The following CD109 variants were observed in gnomAD, a reference collection of about 807,000 sequenced individuals.
CD109 encodes CD109 molecule.
CD109 carries 149 observed loss-of-function variants against 165.8 expected under a neutral mutation model. That is an observed-to-expected ratio of 0.90 (90% CI 0.79 to 1.03). CD109 has a LOEUF of 1.03. Among genes scored for constraint, CD109 ranks in the 50% least tolerant of loss-of-function variants. CD109 has a pLI of 0.00. For missense variants in CD109, 1,712 were observed against 1,677.8 expected (o/e 1.02, Z -0.36); for synonymous variants, 585 against 592.1 (o/e 0.99, Z 0.18).
chr6:73,787,015 T>A (rs1216654355), intron 20 of CD109, among the ~76,000 whole-genome samples: 1 of 152,164 alleles, frequency 6.6e-6, no homozygotes, highest in Non-Finnish European at 1.5e-5. Context: ...GGGCTGAAGA[T>A]CGCCCTTTCC....
In CD109 at chr6:73,813,171, G is replaced by T. The variant is rs569626974; in HGVS notation, c.3768+901G>T. ...AAACTAAAGGAAAAATGATCACAAT[G>T]AAAAGGAATGGTATTCAGTGAAAAG... On this transcript the variant is annotated intron_variant, in intron 29 of 32. Transcript: ENST00000287097. Among the ~76,000 whole-genome samples the T allele has an allele frequency of 7.3e-4, 111 of 152,130 alleles. 3 individuals are homozygous for T. In the South Asian group the frequency reaches 0.022, roughly 30 times the overall value.
intron 18 of CD109, 124 bp downstream of exon 18, chr6:73,782,879 G>A: frequency 1.3e-6 from 1 of 751,654 alleles, no homozygotes; most frequent in Admixed American, 3.0e-5. Context: ...TAGACCAAAA[G>A]GATTTTTTAG....
In CD109 at chr6:73,708,616, C is replaced by G. The variant is rs1399422491; in HGVS notation, c.247+11044C>G. On this transcript the variant is annotated intron_variant, in intron 2 of 32. Transcript: ENST00000287097. ...TTGAACTAGTTTACAGTCCCACCAA[C>G]AGTGTAAAAGTGTTCCTATTTCTCC... Among the ~76,000 whole-genome samples the G allele has an allele frequency of 4.6e-5, 7 of 152,332 alleles. No individual in the cohort carries two copies. In the South Asian group the frequency reaches 1.5e-3, roughly 32 times the overall value.
chr6:73,708,242 T>G (rs1441365693), intron 2 of CD109, among the ~76,000 whole-genome samples: 1 of 151,886 alleles, frequency 6.6e-6, no homozygotes, highest in Non-Finnish European at 1.5e-5. Context: ...AGTGAGAACA[T>G]GCGGTGTTTG....
chr6:73,813,808 C>T (rs1775834829), intron 29 of CD109, among the ~76,000 whole-genome samples: 1 of 151,880 alleles, frequency 6.6e-6, no homozygotes, highest in African/African-American at 2.4e-5. Flanking sequence ...TAATTATGAC[C>T]CAAGAGACAG....
intron 26 of CD109, among the ~76,000 whole-genome samples, 197 bp downstream of exon 26, chr6:73,808,445 G>A (rs935455633): frequency 2.0e-5 from 3 of 152,016 alleles, no homozygotes; most frequent in African/African-American, 4.8e-5. Context: ...AGAATTTCAG[G>A]GCTCAGATGT....
At chr6:73,783,680 T>G in intron 18 of CD109, 27 bp from the exon 19 acceptor site, 2 of 1,270,772 alleles carry the variant, frequency 1.6e-6, no homozygotes, top group Non-Finnish European at 2.3e-6. Context: ...GGTTTTGTGA[T>G]GTTTATATTT....
At chr6:73,793,817 C>T (rs1356343798) in intron 23 of CD109, among the ~76,000 whole-genome samples, 1 of 152,104 alleles carries the variant, frequency 6.6e-6, no homozygotes, top group African/African-American at 2.4e-5. Flanking sequence ...TGATATATCC[C>T]GTCCATCAAA....
In CD109 at chr6:73,771,518, G is replaced by T; in HGVS notation, c.1764G>T (p.Gly588=). The change falls in exon 15 of 33, where the codon GGG becomes GGT. Residue 588 remains glycine, a synonymous_variant. Coordinates refer to ENST00000287097, the MANE Select transcript of CD109 (RefSeq NM_133493.5). ...ISVTQPDSIV[G]IVAVDKSVNL... ...TGACACAGCCTGACTCCATAGTTGG[G>T]ATTGTAGCTGTTGACAAAAGTGTGA... 6.2e-7 allele frequency: 1 copy of T among 1,610,434 alleles called. No homozygotes were observed. Among genetic ancestry groups the T allele is most frequent in the African/African-American group, 1.3e-5 (1 of 74,854 alleles).
intron 5 of CD109, among the ~76,000 whole-genome samples, chr6:73,736,754 T>C (rs1219772456): frequency 6.6e-6 from 1 of 152,366 alleles, no homozygotes; most frequent in East Asian, 1.9e-4. Context: ...TTAAAACATT[T>C]TGACATTTTA....
chr6:73,772,795 A>G (rs1025300612), intron 15 of CD109, among the ~76,000 whole-genome samples: 7 of 152,038 alleles, frequency 4.6e-5, no homozygotes, highest in Non-Finnish European at 1.0e-4. Context: ...AAAACTATAT[A>G]TAGTTGGGTT....
intron 2 of CD109, among the ~76,000 whole-genome samples, chr6:73,712,909 A>T (rs1404255352): frequency 1.3e-5 from 2 of 152,228 alleles, no homozygotes; most frequent in African/African-American, 4.8e-5. Context: ...TTAGTGATTT[A>T]AAAGAGTGCC....
intron 2 of CD109, among the ~76,000 whole-genome samples, chr6:73,709,997 C>T (rs1296642411): frequency 2.6e-5 from 4 of 152,286 alleles, no homozygotes; most frequent in Middle Eastern, 3.4e-3. Context: ...ACTGAATGGG[C>T]AAAAACTGGA....
intron 23 of CD109, among the ~76,000 whole-genome samples, chr6:73,798,110 G>GTT (rs57382539): frequency 0.028 from 3,923 of 142,432 alleles, 105 homozygotes; most frequent in East Asian, 0.066. Flanking sequence ...TCAGTGTCCT[G>GTT]TTTTTTTTTT....
rs560498470 is a variant in CD109, at chr6:73,777,709, G to C, written c.1828-2715G>C. Among the ~76,000 whole-genome samples, 7 of 152,274 alleles carry C rather than the reference G, an allele frequency of 4.6e-5. No individual in the cohort carries two copies. The East Asian group carries it at 1.3e-3, about 29-fold the overall frequency. On this transcript the variant is annotated intron_variant, in intron 15 of 32. Transcript: ENST00000287097. ...GCTTGTTTTTGTCAGATTTGTTGAA[G>C]ATCAGATAGTTGTAGATGTGCAGTC...
Position 73,768,251 on chromosome 6 carries a change from T to C in CD109, c.1674+20T>C, listed in dbSNP as rs1773920998. 2.1e-6 allele frequency: 3 copies of C among 1,444,846 alleles called. No individual in the cohort carries two copies. Among genetic ancestry groups the C allele is most frequent in the Non-Finnish European group, 2.9e-6 (3 of 1,044,444 alleles). 89.5% of individuals were successfully genotyped at this position (1,444,846 alleles called of 1,614,324 possible). ...AATAAGGTAAGATTTAAGGTAATGA[T>C]GTTTAAAAGAAAACTTTATATTAGT... On this transcript the variant is annotated intron_variant, in intron 14 of 32. Coordinates refer to ENST00000287097, the MANE Select transcript of CD109 (RefSeq NM_133493.5).
intron 1 of CD109, 40 bp downstream of exon 1, chr6:73,696,329 G>C: frequency 7.2e-7 from 1 of 1,384,944 alleles, no homozygotes; most frequent in Non-Finnish European, 9.3e-7. Context: ...GGGCGCGCGG[G>C]CCTGGGCCGC....
chr6:73,683,946 A>C, the CD109 span, among the ~76,000 whole-genome samples: 1 of 152,188 alleles, frequency 6.6e-6, no homozygotes, highest in Non-Finnish European at 1.5e-5. Context: ...TGACACTTGG[A>C]AACTGTGGGA....
At chr6:73,821,200 C>T (rs1309533122) in intron 32 of CD109, among the ~76,000 whole-genome samples, 1 of 152,088 alleles carries the variant, frequency 6.6e-6, no homozygotes, top group African/African-American at 2.4e-5. Flanking sequence ...GGAGTTATAC[C>T]TAATGTAAAT....
Sources: gnomAD v4.1 joint callset for allele counts (sites outside exome capture counted in the v4.1 genomes callset) on GRCh38, gnomAD v4.1.1 for gene constraint, MANE v1.5 for transcripts, NCBI Gene and HGNC (gene_info 2026-07-23, HGNC 2026-07-21) for gene names.